EXOSC8: variants seen among roughly 807,000 people sequenced by gnomAD.
EXOSC8 encodes the protein exosome component 8, also known as exosome complex component RRP43.
EXOSC8 carries 37 observed loss-of-function variants against 39.9 expected under a neutral mutation model. The ratio of observed to expected loss-of-function variants is 0.93; its 90% CI spans 0.71 to 1.22. EXOSC8 has a LOEUF of 1.22. Among genes scored for constraint, EXOSC8 ranks in the 50% most tolerant of loss-of-function variants. The pLI is 0.00. For synonymous variants in EXOSC8, 93 were observed against 109.5 expected (o/e 0.85, Z 0.94); for missense variants, 313 against 326.6 (o/e 0.96, Z 0.32).
At chr13:37,007,918 T>G (rs972168364) in intron 8 of EXOSC8, 139 bp from the exon 9 acceptor site, 2 of 633,844 alleles carry the variant, frequency 3.2e-6, no homozygotes, top group African/African-American at 3.7e-5. Flanking sequence ...TATATTTACC[T>G]TAGTGGCTGT....
chr13:37,008,816 CTG>C lies in EXOSC8; in HGVS notation c.698_699del (p.Cys233LeufsTer14). The C allele has an allele frequency of 6.2e-7, 1 of 1,607,376 alleles. No individual in the cohort carries two copies. Among genetic ancestry groups the C allele is most frequent in the East Asian group, 2.2e-5 (1 of 44,624 alleles). On this transcript the variant is annotated frameshift_variant, in exon 10 of 11. Transcript: ENST00000389704. LOFTEE classifies it high-confidence loss of function. Reference sequence around the variant, plus strand: ...TAGTAATGGATGAGGAAGGCAAACTCTGTTGTCTTCACAAACCAGGCATGTTC... The same window carrying C: ...TAGTAATGGATGAGGAAGGCAAACTCTTGTCTTCACAAACCAGGCATGTTC... The part of the protein sequence containing the change: ...TIVMDEEGKL[C>X]CLHKPGGSGL...
Position 37,008,740 on chromosome 13 carries a change from T to TA in EXOSC8, c.621dup (p.Val208SerfsTer2). 1 of 1,608,150 alleles carries TA rather than the reference T, an allele frequency of 6.2e-7. No homozygotes were observed. Among genetic ancestry groups the TA allele is most frequent in the Non-Finnish European group, 8.5e-7 (1 of 1,174,890 alleles). ...TTTTCTTTTTATAGCACTTTGCTTA[T>TA]AGTTGACCCTACTGGAGAGGAGGAA... On this transcript the variant is annotated frameshift_variant, in exon 10 of 11. Transcript: ENST00000389704. LOFTEE classifies it high-confidence loss of function.
chr13:37,002,869 T>G (rs1441208545), intron 3 of EXOSC8, 65 bp from the exon 4 acceptor site: 5 of 1,069,100 alleles, frequency 4.7e-6, no homozygotes, highest in Non-Finnish European at 7.2e-6. Context: ...TAATTTTAAT[T>G]ATTATGTGGA....
Position 37,000,794 on chromosome 13 carries a change from G to A in EXOSC8, c.-12G>A. The A allele has an allele frequency of 2.5e-6, 4 of 1,580,026 alleles. No homozygotes were observed. Among genetic ancestry groups the A allele is most frequent in the South Asian group, 1.2e-5 (1 of 86,646 alleles). On this transcript the variant is annotated 5_prime_UTR_variant, in exon 1 of 11. Transcript: ENST00000389704. ...AGAGGAGCGGCGCAGGCGCAGACGC[G>A]CGGGCGGGAAGATGGCGGCTGGGTT...
At chr13:37,006,947 T>C (rs766519292) in intron 7 of EXOSC8, 28 bp from the exon 8 acceptor site, 2 of 1,419,218 alleles carry the variant, frequency 1.4e-6, no homozygotes, top group African/African-American at 2.8e-5. Context: ...AAGACTTTAA[T>C]TTCCTTTTGT....
intron 1 of EXOSC8, chr13:37,001,494 T>C (rs945769334): frequency 6.6e-6 from 1 of 152,232 alleles, no homozygotes; most frequent in Admixed American, 6.5e-5. Context: ...GGATCATGCC[T>C]CGTTTGGAAG....
intron 10 of EXOSC8, 135 bp from the exon 11 acceptor site, chr13:37,009,049 C>A: frequency 1.4e-6 from 1 of 711,826 alleles, no homozygotes; most frequent in South Asian, 1.8e-5. Context: ...TCTTGTGAAA[C>A]TAACTTGTAG....
intron 5 of EXOSC8, among the ~76,000 whole-genome samples, chr13:37,005,167 C>T (rs914447121): frequency 6.6e-6 from 1 of 152,070 alleles, no homozygotes; most frequent in Admixed American, 6.5e-5. Context: ...TGTCATTGCA[C>T]ACCTTTTGTT....
intron 9 of EXOSC8, 36 bp from the exon 10 acceptor site, chr13:37,008,693 C>A: frequency 2.2e-6 from 3 of 1,339,634 alleles, no homozygotes; most frequent in Non-Finnish European, 3.2e-6. Context: ...AAATTTGTTC[C>A]ATGGATTGAT....
intron 1 of EXOSC8, 92 bp downstream of exon 1, chr13:37,000,914 G>T: frequency 7.2e-7 from 1 of 1,387,294 alleles, no homozygotes; most frequent in South Asian, 1.5e-5. Flanking sequence ...CCTGGAGGCC[G>T]ACCCCGTTGG....
Position 37,009,538 on chromosome 13 carries a change from G to A in EXOSC8, c.*239G>A. On this transcript the variant is annotated 3_prime_UTR_variant, in exon 11 of 11. Coordinates refer to ENST00000389704, the MANE Select transcript of EXOSC8 (RefSeq NM_181503.3). ...GTTTTTATTTAAAAATGATAAGGTTGTGCTTCTGTATAAAGTTTGTACATC... is the reference window on the plus strand; with the variant it reads ...GTTTTTATTTAAAAATGATAAGGTTATGCTTCTGTATAAAGTTTGTACATC... 1 of 1,106,830 alleles carries A rather than the reference G, an allele frequency of 9.0e-7. No homozygotes were observed. The highest frequency in any genetic ancestry group is 1.3e-6 in the Non-Finnish European group (1 of 741,394). The allele number at this position is 1,106,830 out of a possible 1,614,324, so 68.6% of individuals were successfully genotyped here.
At position 37,008,790 on chromosome 13, in the gene EXOSC8, A is replaced by G; in HGVS notation, c.670A>G (p.Ile224Val). 6.2e-7 allele frequency: 1 copy of G among 1,613,618 alleles called. No homozygotes were observed. The highest frequency in any genetic ancestry group is 8.5e-7 in the Non-Finnish European group (1 of 1,179,574). ...EEHLATGTLTIVMDEEGKLCC... is the reference protein window; with the variant it reads ...EEHLATGTLTVVMDEEGKLCC... Reference sequence around the variant, plus strand: ...ACATCTGGCAACAGGAACCTTAACAATAGTAATGGATGAGGAAGGCAAACT... The same window carrying G: ...ACATCTGGCAACAGGAACCTTAACAGTAGTAATGGATGAGGAAGGCAAACT... The change falls in exon 10 of 11, where the codon ATA becomes GTA. Residue 224 changes from isoleucine (I) to valine (V), a missense_variant. Physicochemically the swap from Ile to Val is conservative, Grantham distance 29. Transcript: ENST00000389704.
chr13:37,003,518 G>C, intron 4 of EXOSC8: 1 of 153,952 alleles, frequency 6.5e-6, no homozygotes, highest in Non-Finnish European at 1.4e-5. Context: ...ACCTGTCCAG[G>C]TACATAAGAC....
intron 1 of EXOSC8, among the ~76,000 whole-genome samples, chr13:37,001,277 C>T (rs1299929044): frequency 6.6e-6 from 1 of 152,000 alleles, no homozygotes; most frequent in East Asian, 1.9e-4. Context: ...GGCGTGGTGG[C>T]GGGCGCCTGT....
Position 37,005,900 on chromosome 13 carries a change from C to CTGCAGAG in EXOSC8, c.239-17_239-11dup. ...AAAAAAAAAAAGGTTTAGTTCATAG[C>CTGCAGAG]TGCAGAGTGTTTCTTTCAGTTCCTA... On this transcript the variant is annotated intron_variant, in intron 5 of 10. Coordinates refer to ENST00000389704, the MANE Select transcript of EXOSC8 (RefSeq NM_181503.3). 2 of 803,278 alleles carry CTGCAGAG rather than the reference C, an allele frequency of 2.5e-6. No homozygotes were observed. Among genetic ancestry groups the CTGCAGAG allele is most frequent in the Non-Finnish European group, 4.2e-6 (2 of 472,928 alleles). The allele number at this position is 803,278 out of a possible 1,614,324, so 49.8% of individuals were successfully genotyped here. A position where few individuals can be genotyped will look rare whatever the true frequency, so the allele number is the denominator to read the frequency against.
chr13:37,008,706 C>T (rs749513090), intron 9 of EXOSC8, 23 bp from the exon 10 acceptor site: 15 of 1,440,734 alleles, frequency 1.0e-5, no homozygotes, highest in Non-Finnish European at 1.5e-5. Context: ...GGATTGATAA[C>T]TTATATTTTT....
intron 7 of EXOSC8, 119 bp from the exon 8 acceptor site, chr13:37,006,856 A>G (rs1319726865): frequency 3.2e-6 from 2 of 628,340 alleles, no homozygotes; most frequent in Non-Finnish European, 5.6e-6. Flanking sequence ...AAGGTTTTTG[A>G]GCCTTGAAAG....
chr13:37,007,026 AT>A lies in EXOSC8; in HGVS notation c.446del (p.Leu149TrpfsTer9), dbSNP rs1566075782. 1 of 1,613,744 alleles carries A rather than the reference AT, an allele frequency of 6.2e-7. No homozygotes were observed. The highest frequency in any genetic ancestry group is 2.2e-5 in the East Asian group (1 of 44,872). The part of the protein sequence containing the change: ...DLICLDYDGN[I>X]LDACTFALLA... The stretch of plus-strand genomic sequence containing the variant: ...CATTTGCCTCGACTACGATGGAAAC[AT>A]TTTGGATGCCTGCACATTTGCTTTG... On this transcript the variant is annotated frameshift_variant, in exon 8 of 11. Transcript: ENST00000389704. LOFTEE classifies it high-confidence loss of function.
Position 37,000,799 on chromosome 13 carries a change from C to G in EXOSC8, c.-7C>G, listed in dbSNP as rs756686182. The G allele has an allele frequency of 1.3e-6, 2 of 1,580,994 alleles. No individual in the cohort carries two copies. The stretch of plus-strand genomic sequence containing the variant: ...AGCGGCGCAGGCGCAGACGCGCGGG[C>G]GGGAAGATGGCGGCTGGGTTCAAGT... On this transcript the variant is annotated 5_prime_UTR_variant, in exon 1 of 11. Coordinates refer to ENST00000389704, the MANE Select transcript of EXOSC8 (RefSeq NM_181503.3).
Sources: allele counts gnomAD v4.1 joint callset (sites outside exome capture counted in the v4.1 genomes callset), GRCh38; gene constraint gnomAD v4.1.1; transcripts MANE v1.5; gene names NCBI Gene and HGNC (gene_info 2026-07-23, HGNC 2026-07-21).